The following ZNF444 variants were observed in gnomAD, a reference collection of about 807,000 sequenced individuals.
ZNF444 encodes endothelial zinc finger protein 2.
A neutral mutation model predicts 14.4 loss-of-function variants in ZNF444; 8 were observed. The observed-to-expected ratio is 0.56, with a 90% CI of 0.33 to 1.00. The LOEUF is 1.00. Ranked by LOEUF, ZNF444 falls within the 50% of genes least tolerant of loss-of-function variation. The pLI is 0.03. For synonymous variants in ZNF444, 258 were observed against 235.9 expected (o/e 1.09, Z -0.86); for missense variants, 510 against 504.8 (o/e 1.01, Z -0.10).
At chr19:56,137,854 G>C (rs1460073519), upstream of ZNF444, among the ~76,000 whole-genome samples, 22 of 152,156 alleles carry the variant, frequency 1.4e-4, no homozygotes, top group Admixed American at 1.4e-3. Context: ...AGTTTCGGTG[G>C]CTCACGCCTG....
chr19:56,159,706 C>T lies in ZNF444; in HGVS notation c.489C>T (p.Pro163=), dbSNP rs1172537811. Residue 163 remains proline (P), a synonymous_variant, in exon 5 of 5, where the codon CCC becomes CCT. Transcript: ENST00000337080. ...CCTACAAGCAGGAGCCCAGCAGCCC[C>T]CCGCTGGCGCCTGGCCTGCCCGCCT... The part of the protein sequence containing the change: ...VRPYKQEPSS[P]PLAPGLPAFL... The T allele has an allele frequency of 1.3e-6, 2 of 1,550,386 alleles. No homozygotes were observed. Among genetic ancestry groups the T allele is most frequent in the Non-Finnish European group, 8.7e-7 (1 of 1,152,460 alleles).
At chr19:56,143,137 G>C (rs190857711) in intron 1 of ZNF444, among the ~76,000 whole-genome samples, 26 of 152,328 alleles carry the variant, frequency 1.7e-4, no homozygotes, top group African/African-American at 5.8e-4. Flanking sequence ...AGCACAGGGC[G>C]CTCATTGGAT....
upstream of ZNF444, among the ~76,000 whole-genome samples, chr19:56,137,196 C>T (rs911123384): frequency 8.6e-5 from 13 of 151,432 alleles, no homozygotes; most frequent in East Asian, 1.2e-3. Flanking sequence ...TGAGGCCTGG[C>T]GCGGTGGCTC....
At chr19:56,138,105 C>T (rs530426825), upstream of ZNF444, among the ~76,000 whole-genome samples, 51 of 151,518 alleles carry the variant, frequency 3.4e-4, no homozygotes, top group Middle Eastern at 3.4e-3. Context: ...GCCTGGGTGA[C>T]GAGAAGGAAA....
In ZNF444 at chr19:56,160,011, T is replaced by C. The variant is rs1487403520; in HGVS notation, c.794T>C (p.Leu265Pro). The stretch of plus-strand genomic sequence containing the variant: ...AAGACCTTCTACTGGCGCGAGCACC[T>C]GGTGCGCCACCGCAAGACGCACTCG... ...CGKTFYWREH[L>P]VRHRKTHSGA... Residue 265 changes from leucine (L) to proline (P), a missense_variant, in exon 5 of 5, where the codon CTG becomes CCG. By Grantham distance (98) the Leu-to-Pro change is moderately conservative. Transcript: ENST00000337080. 4.0e-6 allele frequency: 6 copies of C among 1,512,396 alleles called. No homozygotes were observed. Among genetic ancestry groups the C allele is most frequent in the Non-Finnish European group, 5.3e-6 (6 of 1,135,748 alleles). The allele number at this position is 1,512,396 out of a possible 1,614,324, so 93.7% of individuals were successfully genotyped here.
chr19:56,152,273 A>G (rs926613236), intron 3 of ZNF444, among the ~76,000 whole-genome samples: 4 of 151,488 alleles, frequency 2.6e-5, no homozygotes, highest in African/African-American at 9.7e-5. Context: ...TGGAGATTGC[A>G]GTGAACCAGG....
At position 56,160,128 on chromosome 19, in the gene ZNF444, CG is replaced by C; in HGVS notation, c.913del (p.Ala305ProfsTer7). 6.7e-7 allele frequency: 1 copy of C among 1,482,556 alleles called. No homozygotes were observed. Among genetic ancestry groups the C allele is most frequent in the Non-Finnish European group, 8.9e-7 (1 of 1,124,280 alleles). The allele number at this position is 1,482,556 out of a possible 1,614,324, so 91.8% of individuals were successfully genotyped here. A position where few individuals can be genotyped will look rare whatever the true frequency, so the allele number is the denominator to read the frequency against. ...LRHQRIHGRAAASAQGAVAPG... is the reference protein window; with the variant it reads ...LRHQRIHGRAXASAQGAVAPG... ...CACCAGCGCATCCACGGCCGGGCAG[CG>C]GCCAGCGCGCAGGGGGCGGTAGCTC... On this transcript the variant is annotated frameshift_variant, in exon 5 of 5. Transcript: ENST00000337080. LOFTEE classifies it low-confidence loss of function (END_TRUNC).
At chr19:56,138,530 G>A (rs2030663186), upstream of ZNF444, among the ~76,000 whole-genome samples, 1 of 152,146 alleles carries the variant, frequency 6.6e-6, no homozygotes, top group Non-Finnish European at 1.5e-5. Flanking sequence ...CTACTCGGGA[G>A]GCCAATGTGG....
chr19:56,145,639 A>G lies in ZNF444; in HGVS notation c.-196-608A>G, dbSNP rs965494172. ...ACAGGAGAGCTCGCTGCCTCTCTCT[A>G]TTCTACGCCATGGGAGGACACAAAA... On this transcript the variant is annotated intron_variant, in intron 1 of 4. Coordinates refer to ENST00000337080, the MANE Select transcript of ZNF444 (RefSeq NM_018337.4). The surrounding 1 kb of genome is among the most constrained non-coding windows in gnomAD (Gnocchi z 4.3). Among the ~76,000 whole-genome samples, 8 of 152,048 alleles carry G rather than the reference A, an allele frequency of 5.3e-5. No individual in the cohort carries two copies. The highest frequency in any genetic ancestry group is 7.4e-5 in the Non-Finnish European group (5 of 68,012).
intron 1 of ZNF444, chr19:56,142,368 C>T (rs755679296): frequency 6.6e-6 from 1 of 152,250 alleles, no homozygotes; most frequent in Non-Finnish European, 1.5e-5. Context: ...GAATTTGCCC[C>T]AGAGCCTTTG....
upstream of ZNF444, among the ~76,000 whole-genome samples, chr19:56,138,444 T>C (rs909376635): frequency 1.3e-5 from 2 of 151,260 alleles, no homozygotes; most frequent in Non-Finnish European, 2.9e-5. Flanking sequence ...CTGGGTAACA[T>C]GGCAAAACGC....
upstream of ZNF444, among the ~76,000 whole-genome samples, chr19:56,136,499 C>G (rs1206234116): frequency 6.6e-6 from 1 of 152,144 alleles, no homozygotes; most frequent in Non-Finnish European, 1.5e-5. Flanking sequence ...TGCATTTGAG[C>G]TGGGCTTGCT....
At chr19:56,136,213 C>A (rs2030608373) in intron 1 of ZNF444, among the ~76,000 whole-genome samples, 1 of 152,036 alleles carries the variant, frequency 6.6e-6, no homozygotes, top group Non-Finnish European at 1.5e-5. Flanking sequence ...GTGAAGACGC[C>A]GATGAGCTGA....
Position 56,144,828 on chromosome 19 carries a change from C to G in ZNF444, c.-196-1419C>G. Among the ~76,000 whole-genome samples the G allele has an allele frequency of 6.6e-6, 1 of 152,208 alleles. No individual in the cohort carries two copies. The highest frequency in any genetic ancestry group is 1.9e-4 in the East Asian group (1 of 5,200). On this transcript the variant is annotated intron_variant, in intron 1 of 4. Coordinates refer to ENST00000337080, the MANE Select transcript of ZNF444 (RefSeq NM_018337.4). This position sits in a 1 kb window ranked among gnomAD's most constrained non-coding sequence, Gnocchi z 4.0. Reference sequence around the variant, plus strand: ...ATAGGACAGAACTGATTCTTTTCTCCCATAATACTCCAGAGGTGTTCTGGG... The same window carrying G: ...ATAGGACAGAACTGATTCTTTTCTCGCATAATACTCCAGAGGTGTTCTGGG...
At chr19:56,153,284 CT>C (rs1458392919) in intron 3 of ZNF444, among the ~76,000 whole-genome samples, 2 of 152,114 alleles carry the variant, frequency 1.3e-5, no homozygotes, top group African/African-American at 4.8e-5. Context: ...TTGTTTATGA[CT>C]TTTTTATGGT....
chr19:56,149,492 T>C (rs2031443041), intron 3 of ZNF444, among the ~76,000 whole-genome samples: 1 of 152,194 alleles, frequency 6.6e-6, no homozygotes, highest in Non-Finnish European at 1.5e-5. Flanking sequence ...TTTATTTATT[T>C]ATTTTACTTT....
Position 56,158,535 on chromosome 19 carries a change from G to T in ZNF444, c.339G>T (p.Val113=), listed in dbSNP as rs2032048356. 6.2e-7 allele frequency: 1 copy of T among 1,611,950 alleles called. No homozygotes were observed. The highest frequency in any genetic ancestry group is 1.3e-5 in the African/African-American group (1 of 74,806). ...ASPDGSSATR[V]PQDVTQGPGA... The stretch of plus-strand genomic sequence containing the variant: ...CCGATGGGTCGTCAGCAACGAGGGT[G>T]CCTCAGGATGTGACGCAGGGCCCTG... The change falls in exon 4 of 5, where the codon GTG becomes GTT. Residue 113 remains valine, a synonymous_variant. Transcript: ENST00000337080.
In ZNF444 at chr19:56,160,307, GTCC is replaced by G. The variant is rs2032215113; in HGVS notation, c.*113_*115del. ...CTTCCTCTCCTCCTTCCCTCCCATC[GTCC>G]TCCTCCACCTGCGCCTCCCTTGTCT... On this transcript the variant is annotated 3_prime_UTR_variant, in exon 5 of 5. Transcript: ENST00000337080. 1.1e-6 allele frequency: 1 copy of G among 915,064 alleles called. No individual in the cohort carries two copies. The allele number at this position is 915,064 out of a possible 1,614,324, so 56.7% of individuals were successfully genotyped here.
intron 3 of ZNF444, chr19:56,149,727 C>T: frequency 6.6e-6 from 1 of 152,164 alleles, no homozygotes; most frequent in South Asian, 2.1e-4. Context: ...TGAGTGAGAA[C>T]ACATGGTGTT....
Sources: gnomAD v4.1 joint callset for allele counts (sites outside exome capture counted in the v4.1 genomes callset) on GRCh38, gnomAD v4.1.1 for gene constraint, Gnocchi (gnomAD v3.1) non-coding constraint, MANE v1.5 for transcripts, NCBI Gene and HGNC (gene_info 2026-07-23, HGNC 2026-07-21) for gene names.